Variants in GSTCD observed in about 807,000 individuals in gnomAD.
GSTCD encodes glutathione S-transferase C-terminal domain-containing protein.
A neutral mutation model predicts 68.3 loss-of-function variants in GSTCD; 44 were observed. The observed-to-expected ratio is 0.64, with a 90% CI of 0.51 to 0.83. The LOEUF is 0.83. Among genes scored for constraint, GSTCD ranks in the 40% least tolerant of loss-of-function variants. The pLI is 0.00. For missense variants in GSTCD, 739 were observed against 735.9 expected, an observed-to-expected ratio of 1.00 and a Z score of -0.05; for synonymous variants, 273 against 255.2, an observed-to-expected ratio of 1.07 and a Z score of -0.67.
chr4:105,731,388 G>T (rs989921024), intron 5 of GSTCD, among the ~76,000 whole-genome samples: 2 of 152,080 alleles, frequency 1.3e-5, no homozygotes, highest in Admixed American at 1.3e-4. Flanking sequence ...CCATTTGTTT[G>T]TGTCCTCTTT....
intron 10 of GSTCD, among the ~76,000 whole-genome samples, chr4:105,841,318 C>T (rs375725452): frequency 1.4e-4 from 21 of 148,724 alleles, no homozygotes; most frequent in African/African-American, 4.9e-4. Context: ...AGCAAAACTC[C>T]GTCTCAAAAA....
intron 10 of GSTCD, among the ~76,000 whole-genome samples, chr4:105,838,111 C>T (rs1375198103): frequency 6.6e-6 from 1 of 152,172 alleles, no homozygotes; most frequent in Non-Finnish European, 1.5e-5. Context: ...TACTTGCAGT[C>T]TAACAAGTTA....
intron 7 of GSTCD, among the ~76,000 whole-genome samples, chr4:105,824,986 T>C (rs1052188219): frequency 6.6e-6 from 1 of 152,226 alleles, no homozygotes; most frequent in Non-Finnish European, 1.5e-5. Context: ...AAAATAGTCA[T>C]CAAGTTTGAA....
intron 5 of GSTCD, among the ~76,000 whole-genome samples, chr4:105,767,753 A>G (rs916190671): frequency 1.3e-5 from 2 of 152,148 alleles, no homozygotes; most frequent in Admixed American, 6.5e-5. Context: ...CTATATTGAA[A>G]GATCCCTGAA....
chr4:105,718,296 C>T (rs978259526), intron 2 of GSTCD, among the ~76,000 whole-genome samples: 1 of 152,122 alleles, frequency 6.6e-6, no homozygotes, highest in Non-Finnish European at 1.5e-5. Flanking sequence ...GCAGATGCCT[C>T]GTAAATGGCT....
intron 8 of GSTCD, chr4:105,826,004 GCTCCTCTATCAGACCAGAA>G: frequency 4.2e-6 from 1 of 239,134 alleles, no homozygotes; most frequent in South Asian, 7.8e-5. Context: ...GATAACATTG[GCTCCTCTATCAGACCAGAA>G]CTTTATTTTC....
chr4:105,734,550 G>T (rs968238135), intron 5 of GSTCD, among the ~76,000 whole-genome samples: 16 of 152,096 alleles, frequency 1.1e-4, no homozygotes, highest in Non-Finnish European at 1.5e-5. Context: ...GGTCATTTAA[G>T]GACTTCTCTA....
intron 5 of GSTCD, among the ~76,000 whole-genome samples, chr4:105,731,678 G>A (rs558737710): frequency 6.6e-6 from 1 of 151,768 alleles, no homozygotes; most frequent in South Asian, 2.1e-4. Flanking sequence ...TGCAAACAGG[G>A]ACAATTTCTT....
At chr4:105,733,327 C>T (rs994265572) in intron 5 of GSTCD, among the ~76,000 whole-genome samples, 4 of 152,152 alleles carry the variant, frequency 2.6e-5, no homozygotes, top group Non-Finnish European at 5.9e-5. Flanking sequence ...GAGTCTAAGT[C>T]TCTTTGTAGG....
chr4:105,812,107 G>C (rs1013825642), intron 5 of GSTCD, among the ~76,000 whole-genome samples: 1 of 152,124 alleles, frequency 6.6e-6, no homozygotes, highest in Non-Finnish European at 1.5e-5. Flanking sequence ...AACCATAAGA[G>C]GACAAGAGAG....
intron 5 of GSTCD, among the ~76,000 whole-genome samples, chr4:105,768,768 T>C (rs868293646): frequency 2.4e-4 from 37 of 151,680 alleles, no homozygotes; most frequent in African/African-American, 8.7e-4. Context: ...TACTTCTAGC[T>C]GTCATAAGGT....
chr4:105,755,908 A>C (rs995455051), intron 5 of GSTCD, among the ~76,000 whole-genome samples: 1 of 152,116 alleles, frequency 6.6e-6, no homozygotes, highest in African/African-American at 2.4e-5. Flanking sequence ...TATAAACTAC[A>C]GTCATCTCTC....
chr4:105,723,890 C>CT (rs1268588068), intron 3 of GSTCD, among the ~76,000 whole-genome samples: 1 of 151,644 alleles, frequency 6.6e-6, no homozygotes, highest in Non-Finnish European at 1.5e-5. Context: ...CAAATGGATT[C>CT]TTTATCATTT....
At chr4:105,837,614 C>CA (rs1272751879) in intron 9 of GSTCD, among the ~76,000 whole-genome samples, 1 of 151,882 alleles carries the variant, frequency 6.6e-6, no homozygotes, top group Non-Finnish European at 1.5e-5. Context: ...GGGATAGAGA[C>CA]AAAAAAGGTG....
At chr4:105,769,730 G>C in intron 5 of GSTCD, among the ~76,000 whole-genome samples, 1 of 151,842 alleles carries the variant, frequency 6.6e-6, no homozygotes, top group East Asian at 1.9e-4. Flanking sequence ...TTGTGTATAT[G>C]TTACCTTTAC....
chr4:105,727,696 A>G (rs1733087826), intron 4 of GSTCD, among the ~76,000 whole-genome samples: 1 of 151,994 alleles, frequency 6.6e-6, no homozygotes. Flanking sequence ...GTTTCAAAAA[A>G]AAAAAAGAAT....
At chr4:105,740,265 A>G (rs1243993851) in intron 5 of GSTCD, among the ~76,000 whole-genome samples, 1 of 151,952 alleles carries the variant, frequency 6.6e-6, no homozygotes, top group Non-Finnish European at 1.5e-5. Context: ...CACTTTGAAC[A>G]ACTATAGTCC....
intron 1 of GSTCD, among the ~76,000 whole-genome samples, chr4:105,713,134 T>G (rs1469274618): frequency 6.6e-6 from 1 of 152,244 alleles, no homozygotes; most frequent in African/African-American, 2.4e-5. Flanking sequence ...ATGACATTTT[T>G]GTTTCTATTT....
At chr4:105,728,202 T>G (rs986886365) in intron 4 of GSTCD, among the ~76,000 whole-genome samples, 3 of 152,186 alleles carry the variant, frequency 2.0e-5, no homozygotes, top group African/African-American at 7.2e-5. Context: ...TGAAAATATC[T>G]TAAAATAGAT....
Sources: gnomAD v4.1 joint callset for allele counts (sites outside exome capture counted in the v4.1 genomes callset) on GRCh38, gnomAD v4.1.1 for gene constraint, MANE v1.5 for transcripts, NCBI Gene and HGNC (gene_info 2026-07-23, HGNC 2026-07-21) for gene names.